SLC25A30: variants seen among roughly 807,000 people sequenced by gnomAD.
SLC25A30 encodes kidney mitochondrial carrier protein 1.
Under a neutral mutation model 42.7 loss-of-function variants are expected in SLC25A30, and 29 were observed. The ratio of observed to expected loss-of-function variants is 0.68; its 90% CI spans 0.51 to 0.93. The LOEUF (loss-of-function observed/expected upper bound fraction) is 0.93. Ranked by LOEUF, SLC25A30 falls within the 40% of genes least tolerant of loss-of-function variation. SLC25A30 has a pLI of 0.00. For synonymous variants in SLC25A30, 124 were observed against 131.0 expected (o/e 0.95, Z 0.37); for missense variants, 300 against 359.7 (o/e 0.83, Z 1.34).
chr13:45,426,147 C>T, the SLC25A30 span, among the ~76,000 whole-genome samples: 29 of 151,130 alleles, frequency 1.9e-4, no homozygotes, highest in Admixed American at 1.3e-3. Flanking sequence ...AGTGCAGTGG[C>T]GCCATCTCGG....
chr13:45,410,338 A>G (rs957340959), intron 2 of SLC25A30, among the ~76,000 whole-genome samples: 6 of 152,218 alleles, frequency 3.9e-5, no homozygotes, highest in African/African-American at 1.4e-4. Flanking sequence ...GCTGGGGGAA[A>G]GGACAAGGAA....
At position 45,394,183 on chromosome 13, in the gene SLC25A30, C is replaced by T. The variant is rs749766296; in HGVS notation, c.*1791G>A. 1.0e-5 allele frequency: 10 copies of T among 985,324 alleles called. No homozygotes were observed. The highest frequency in any genetic ancestry group is 1.2e-5 in the Non-Finnish European group (10 of 829,916). The allele number at this position is 985,324 out of a possible 1,614,324, so 61.0% of individuals were successfully genotyped here. On this transcript the variant is annotated 3_prime_UTR_variant, in exon 10 of 10. Coordinates refer to ENST00000519676, the MANE Select transcript of SLC25A30 (RefSeq NM_001010875.4). The stretch of plus-strand genomic sequence containing the variant: ...TCCTCTGCTGCCCTCTAGGGTTGCC[C>T]AGGGAGAGCTGGACTTTCATCTGAG...
At chr13:45,425,552 G>T in the SLC25A30 span, among the ~76,000 whole-genome samples, 2 of 46,252 alleles carry the variant, frequency 4.3e-5, no homozygotes, top group South Asian at 3.9e-4. Flanking sequence ...ATATATATAA[G>T]TATATATATA....
the SLC25A30 span, among the ~76,000 whole-genome samples, chr13:45,424,679 A>G: frequency 2.8e-5 from 2 of 70,466 alleles, no homozygotes; most frequent in African/African-American, 5.1e-5. Context: ...ATATATAGTT[A>G]TATATAGATA....
chr13:45,408,825 C>A (rs1882746221), intron 3 of SLC25A30, 102 bp downstream of exon 3: 8 of 1,052,062 alleles, frequency 7.6e-6, no homozygotes, highest in Non-Finnish European at 1.0e-5. Flanking sequence ...TTTTCAAACA[C>A]ACCTCAAACT....
the SLC25A30 span, among the ~76,000 whole-genome samples, chr13:45,433,151 G>A: frequency 6.6e-6 from 1 of 151,916 alleles, no homozygotes; most frequent in Non-Finnish European, 1.5e-5. Context: ...TTTCACACAG[G>A]TACTGCCAAA....
chr13:45,423,543 T>C, the SLC25A30 span, among the ~76,000 whole-genome samples: 249 of 90,358 alleles, frequency 2.8e-3, 12 homozygotes, highest in African/African-American at 9.8e-3. Flanking sequence ...TACAAATATA[T>C]ATAAATACAT....
At chr13:45,433,085 A>AT in the SLC25A30 span, among the ~76,000 whole-genome samples, 15 of 150,462 alleles carry the variant, frequency 1.0e-4, 1 homozygote, top group South Asian at 6.3e-4. Flanking sequence ...TGCCTGTATT[A>AT]TTTTTTTTAG....
intron 8 of SLC25A30, 113 bp from the exon 9 acceptor site, chr13:45,397,451 G>A (rs1881460646): frequency 1.5e-6 from 1 of 689,536 alleles, no homozygotes; most frequent in Non-Finnish European, 2.5e-6. Flanking sequence ...CCAGCACTTT[G>A]GGAGGCCGAG....
At chr13:45,424,759 AATATATAAAT>A in the SLC25A30 span, among the ~76,000 whole-genome samples, 23 of 58,466 alleles carry the variant, frequency 3.9e-4, no homozygotes, top group African/African-American at 1.6e-3. Flanking sequence ...TATTTATATA[AATATATAAAT>A]ATATATATAT....
intron 5 of SLC25A30, among the ~76,000 whole-genome samples, chr13:45,403,039 C>T (rs968478143): frequency 1.3e-5 from 2 of 152,120 alleles, no homozygotes; most frequent in Non-Finnish European, 2.9e-5. Flanking sequence ...AATACGTTAC[C>T]ACTAACTTCT....
the SLC25A30 span, among the ~76,000 whole-genome samples, chr13:45,423,845 T>C: frequency 4.2e-5 from 3 of 70,824 alleles, no homozygotes; most frequent in Non-Finnish European, 7.5e-5. Flanking sequence ...TATATAAATA[T>C]GTAAATATAT....
At chr13:45,402,585 T>G (rs528745843) in intron 5 of SLC25A30, among the ~76,000 whole-genome samples, 3 of 152,314 alleles carry the variant, frequency 2.0e-5, no homozygotes, top group African/African-American at 7.2e-5. Flanking sequence ...AAAAAGCATC[T>G]AAGAGAGTCC....
chr13:45,418,512 A>C, upstream of SLC25A30: 1 of 152,504 alleles, frequency 6.6e-6, no homozygotes, highest in Non-Finnish European at 1.5e-5. Context: ...TGACAGCCCC[A>C]GATGGGGACA....
chr13:45,396,966 T>TC (rs1566199354), intron 9 of SLC25A30: 1 of 238,918 alleles, frequency 4.2e-6, no homozygotes, highest in Non-Finnish European at 8.1e-6. Context: ...CCAATCCTCC[T>TC]CTCTCTCTCT....
chr13:45,424,629 A>ACG, the SLC25A30 span, among the ~76,000 whole-genome samples: 3 of 64,992 alleles, frequency 4.6e-5, no homozygotes, highest in African/African-American at 1.2e-4. Flanking sequence ...ATATATATAA[A>ACG]TATGTATATA....
the SLC25A30 span, among the ~76,000 whole-genome samples, chr13:45,423,513 T>TATATATATACAA: frequency 8.0e-6 from 1 of 125,246 alleles, no homozygotes. Context: ...GAATAGTTTA[T>TATATATATACAA]ATATATATAC....
At chr13:45,417,332 G>GT (rs1314691017) in intron 1 of SLC25A30, among the ~76,000 whole-genome samples, 2 of 152,116 alleles carry the variant, frequency 1.3e-5, no homozygotes, top group African/African-American at 4.8e-5. Flanking sequence ...TTAATTCTTG[G>GT]TAAGTTCTTT....
rs533687303 is a variant in SLC25A30 at position 45,410,555 on chromosome 13, A to G, written c.64+807T>C. ...GTCGTGCACATCTGTAGTCTCACCT[A>G]TAATCCCAGCACTCTGGGAGGCCGA... On this transcript the variant is annotated intron_variant, in intron 2 of 9. Transcript: ENST00000519676. 1.1e-4 allele frequency among the ~76,000 whole-genome samples: 17 copies of G among 152,102 alleles called. No individual in the cohort carries two copies. The East Asian group carries it at 1.5e-3, about 14-fold the overall frequency.
Sources: allele counts gnomAD v4.1 joint callset (sites outside exome capture counted in the v4.1 genomes callset), GRCh38; gene constraint gnomAD v4.1.1; transcripts MANE v1.5; gene names NCBI Gene and HGNC (gene_info 2026-07-23, HGNC 2026-07-21).